TNKS: variants seen among roughly 807,000 people sequenced by gnomAD.
TNKS encodes the protein poly [ADP-ribose] polymerase tankyrase-1.
A neutral mutation model predicts 135.8 loss-of-function variants in TNKS; 72 were observed. That is an observed-to-expected ratio of 0.53 (90% CI 0.44 to 0.64). The LOEUF (loss-of-function observed/expected upper bound fraction) is 0.64. TNKS is among the 30% of genes least tolerant of loss of function. The probability of loss-of-function intolerance (pLI) is 0.00; values close to 1 mark genes in which losing one functional copy is unlikely to be tolerated. For missense variants in TNKS, 1,769 were observed against 1,674.0 expected (o/e 1.06, Z -0.99); for synonymous variants, 849 against 649.3 (o/e 1.31, Z -4.68).
At chr8:9,610,026 T>G (rs1355403013) in intron 2 of TNKS, among the ~76,000 whole-genome samples, 1 of 151,920 alleles carries the variant, frequency 6.6e-6, no homozygotes, top group Non-Finnish European at 1.5e-5. Flanking sequence ...CCTGGCTAAT[T>G]TTTTGTATTT....
In TNKS at chr8:9,748,043, T is replaced by A; in HGVS notation, c.2663T>A (p.Leu888Ter). 3 of 1,608,310 alleles carry A rather than the reference T, an allele frequency of 1.9e-6. No individual in the cohort carries two copies. The highest frequency in any genetic ancestry group is 2.5e-6 in the Non-Finnish European group (3 of 1,178,312). ...ASYGHVDIAA[L>*]LIKYNTCVNA... ...TTTCAGCATGTTGACATAGCGGCTT[T>A]ATTGATAAAATACAACACGTGTGTA... Residue 888 changes from leucine to a stop codon, truncating the protein, a stop_gained, in exon 18 of 27, where the codon TTA becomes TAA. Coordinates refer to ENST00000310430, the MANE Select transcript of TNKS (RefSeq NM_003747.3). LOFTEE classifies it high-confidence loss of function.
At position 9,564,385 on chromosome 8, in the gene TNKS, A is replaced by G. The variant is rs191712415; in HGVS notation, c.673+7773A>G. On this transcript the variant is annotated intron_variant, in intron 1 of 26. Coordinates refer to ENST00000310430, the MANE Select transcript of TNKS (RefSeq NM_003747.3). The stretch of plus-strand genomic sequence containing the variant: ...GAGCATAAATATGTTAAAAAAAAAA[A>G]TCTCAAGCTTAGAATCCAGAAGAAA... 3.0e-3 allele frequency among the ~76,000 whole-genome samples: 462 copies of G among 152,282 alleles called. 2 individuals carry two copies. The highest frequency in any genetic ancestry group is 4.3e-3 in the Non-Finnish European group (295 of 68,018).
intron 5 of TNKS, among the ~76,000 whole-genome samples, chr8:9,692,229 T>G (rs1439070109): frequency 6.6e-6 from 1 of 152,188 alleles, no homozygotes; most frequent in African/African-American, 2.4e-5. Context: ...CCGGTGCCTG[T>G]TTTCCCATCG....
chr8:9,623,251 G>A (rs191368683), intron 3 of TNKS, among the ~76,000 whole-genome samples: 3 of 152,158 alleles, frequency 2.0e-5, no homozygotes, highest in Admixed American at 6.5e-5. Flanking sequence ...ACTAGACTCT[G>A]TATGGAAAGA....
Position 9,752,575 on chromosome 8 carries a change from T to C in TNKS, c.3102T>C (p.Phe1034=). ...GTCTTGACATGAATATCAGCCAATT[T>C]CTAAAAAGCCTTGGCCTTGAACACC... ...VAGLDMNISQ[F]LKSLGLEHLR... Residue 1034 remains phenylalanine (F), a synonymous_variant, in exon 20 of 27, where the codon TTT becomes TTC. Coordinates refer to ENST00000310430, the MANE Select transcript of TNKS (RefSeq NM_003747.3). 2 of 1,613,364 alleles carry C rather than the reference T, an allele frequency of 1.2e-6. No homozygotes were observed. The highest frequency in any genetic ancestry group is 8.5e-7 in the Non-Finnish European group (1 of 1,179,646).
At chr8:9,672,712 A>AC (rs1554466579) in intron 3 of TNKS, among the ~76,000 whole-genome samples, 2,999 of 82,644 alleles carry the variant, frequency 0.036, 56 homozygotes, top group East Asian at 0.17. Flanking sequence ...ACACACACAC[A>AC]AAAAAAAAAA....
intron 5 of TNKS, among the ~76,000 whole-genome samples, chr8:9,704,195 T>G (rs1803946587): frequency 6.6e-6 from 1 of 152,210 alleles, no homozygotes; most frequent in African/African-American, 2.4e-5. Context: ...TTAGGGATGT[T>G]TTTCAATCTT....
In TNKS at chr8:9,777,035, A is replaced by G. The variant is rs1808257248; in HGVS notation, c.*299A>G. Reference sequence around the variant, plus strand: ...TGCTTCGATCTAGACTTGGAAATGGAAAATAAGAAAACCAATGCTTTTTCA... The same window carrying G: ...TGCTTCGATCTAGACTTGGAAATGGGAAATAAGAAAACCAATGCTTTTTCA... On this transcript the variant is annotated 3_prime_UTR_variant, in exon 27 of 27. Coordinates refer to ENST00000310430, the MANE Select transcript of TNKS (RefSeq NM_003747.3). 1 of 341,192 alleles carries G rather than the reference A, an allele frequency of 2.9e-6. No homozygotes were observed. The highest frequency in any genetic ancestry group is 5.4e-6 in the Non-Finnish European group (1 of 184,538). 21.1% of individuals were successfully genotyped at this position (341,192 alleles called of 1,614,324 possible). A position where few individuals can be genotyped will look rare whatever the true frequency, so the allele number is the denominator to read the frequency against.
At chr8:9,734,414 A>T (rs1805588554) in intron 15 of TNKS, among the ~76,000 whole-genome samples, 3 of 152,198 alleles carry the variant, frequency 2.0e-5, no homozygotes, top group Admixed American at 2.0e-4. Context: ...ATATTACCAA[A>T]CTTTATTCTT....
intron 3 of TNKS, among the ~76,000 whole-genome samples, chr8:9,669,965 C>T (rs1192607087): frequency 2.0e-5 from 3 of 152,096 alleles, no homozygotes; most frequent in Admixed American, 6.6e-5. Flanking sequence ...TTCTCCTAAG[C>T]GTAATATTAG....
At chr8:9,637,077 T>G (rs1350720753) in intron 3 of TNKS, among the ~76,000 whole-genome samples, 4 of 151,782 alleles carry the variant, frequency 2.6e-5, no homozygotes, top group Admixed American at 2.6e-4. Context: ...TATGCTCAAA[T>G]TTTTTTGAAT....
chr8:9,669,839 G>A (rs1802187985), intron 3 of TNKS, among the ~76,000 whole-genome samples: 1 of 152,060 alleles, frequency 6.6e-6, no homozygotes, highest in African/African-American at 2.4e-5. Flanking sequence ...GTCAGGAAGA[G>A]TTTCAGACGT....
At chr8:9,629,521 C>A (rs1210596971) in intron 3 of TNKS, among the ~76,000 whole-genome samples, 1 of 152,218 alleles carries the variant, frequency 6.6e-6, no homozygotes, top group African/African-American at 2.4e-5. Flanking sequence ...CCTGTTGCTC[C>A]TGTATTCCAG....
At position 9,556,044 on chromosome 8, in the gene TNKS, C is replaced by T; in HGVS notation, c.105C>T (p.Leu35=). The T allele has an allele frequency of 1.2e-6, 2 of 1,610,904 alleles. No homozygotes were observed. Among genetic ancestry groups the T allele is most frequent in the Non-Finnish European group, 1.7e-6 (2 of 1,179,162 alleles). ...SAPPPPPPPP[L]SPGLAPGTTP... ...CGCCGCCGCCACCTCCTCCCCCACT[C>T]AGCCCTGGCCTGGCCCCGGGGACCA... Residue 35 remains leucine, a synonymous_variant, in exon 1 of 27, where the codon CTC becomes CTT. Transcript: ENST00000310430.
At chr8:9,620,721 C>T (rs543934512) in intron 3 of TNKS, among the ~76,000 whole-genome samples, 6 of 152,314 alleles carry the variant, frequency 3.9e-5, no homozygotes, top group Admixed American at 6.5e-5. Flanking sequence ...AACTGGAACA[C>T]TTCCCCAGTT....
At chr8:9,611,710 A>G (rs116646387) in intron 2 of TNKS, among the ~76,000 whole-genome samples, 106 of 152,346 alleles carry the variant, frequency 7.0e-4, no homozygotes, top group African/African-American at 2.5e-3. Flanking sequence ...ATTAGAAAAT[A>G]GTCCCACATA....
chr8:9,598,763 GTGTATATATATATATATA>G (rs1301925264), intron 2 of TNKS, among the ~76,000 whole-genome samples: 2,181 of 58,756 alleles, frequency 0.037, 134 homozygotes, highest in African/African-American at 0.11. Flanking sequence ...ATATGTGTGT[GTGTATATATATATATATA>G]TATATATATA....
intron 18 of TNKS, 86 bp from the exon 19 acceptor site, chr8:9,751,523 T>G: frequency 7.8e-7 from 1 of 1,278,900 alleles, no homozygotes; most frequent in Non-Finnish European, 1.1e-6. Flanking sequence ...AAGGAAAAAA[T>G]CCACAAAGTA....
chr8:9,631,270 C>T (rs1800278037), intron 3 of TNKS, among the ~76,000 whole-genome samples: 1 of 152,174 alleles, frequency 6.6e-6, no homozygotes. Context: ...GTGATCTTCT[C>T]ACGTACCCAG....
Sources: gnomAD v4.1 joint callset for allele counts (sites outside exome capture counted in the v4.1 genomes callset) on GRCh38, gnomAD v4.1.1 for gene constraint, MANE v1.5 for transcripts, NCBI Gene and HGNC (gene_info 2026-07-23, HGNC 2026-07-21) for gene names.